Variants in MB21D2 observed in about 807,000 individuals in gnomAD.
MB21D2 encodes the protein nucleotidyltransferase MB21D2.
MB21D2 carries 9 observed loss-of-function variants against 33.3 expected under a neutral mutation model. That is an observed-to-expected ratio of 0.27 (90% CI 0.16 to 0.47). The LOEUF (loss-of-function observed/expected upper bound fraction) is 0.47, where lower values mean the gene tolerates loss of function less well. Ranked by LOEUF, MB21D2 falls within the 20% of genes least tolerant of loss-of-function variation. The pLI, the probability that MB21D2 is intolerant of heterozygous loss-of-function variation, is 0.99. For synonymous variants in MB21D2, 241 were observed against 236.3 expected (o/e 1.02, Z -0.18); for missense variants, 540 against 624.6 (o/e 0.86, Z 1.44).
At chr3:192,825,701 G>C (rs1247708849) in intron 1 of MB21D2, among the ~76,000 whole-genome samples, 1 of 152,186 alleles carries the variant, frequency 6.6e-6, no homozygotes, top group Non-Finnish European at 1.5e-5. Flanking sequence ...TTAGTATGTA[G>C]ATGAGGCAAG....
chr3:192,820,439 G>A (rs1330687308), intron 1 of MB21D2, among the ~76,000 whole-genome samples: 2 of 152,094 alleles, frequency 1.3e-5, no homozygotes, highest in South Asian at 4.1e-4. Context: ...GTGTTGCAGG[G>A]AAAGGACTCG....
At chr3:192,816,572 T>C (rs1032262182) in intron 1 of MB21D2, among the ~76,000 whole-genome samples, 1 of 152,220 alleles carries the variant, frequency 6.6e-6, no homozygotes, top group East Asian at 1.9e-4. Context: ...TTTACTGGTA[T>C]GCTTTCAAAG....
chr3:192,831,761 AATT>A (rs574222335), intron 1 of MB21D2, among the ~76,000 whole-genome samples: 1 of 152,216 alleles, frequency 6.6e-6, no homozygotes, highest in Non-Finnish European at 1.5e-5. Flanking sequence ...AATGAAATAC[AATT>A]ATTATACTTG....
At chr3:192,854,482 T>C (rs569782803) in intron 1 of MB21D2, among the ~76,000 whole-genome samples, 24 of 152,274 alleles carry the variant, frequency 1.6e-4, no homozygotes, top group African/African-American at 4.8e-4. Flanking sequence ...CTCTATAACA[T>C]AGAAGTGCAA....
chr3:192,827,763 G>C (rs918863831), intron 1 of MB21D2, among the ~76,000 whole-genome samples: 8 of 152,108 alleles, frequency 5.3e-5, no homozygotes, highest in Admixed American at 6.5e-5. Context: ...TAAACTGAAA[G>C]TTTTGCTTCC....
chr3:192,899,582 T>G (rs1215289066), intron 1 of MB21D2, among the ~76,000 whole-genome samples: 1 of 152,078 alleles, frequency 6.6e-6, no homozygotes, highest in Non-Finnish European at 1.5e-5. Flanking sequence ...CAGGCGTACT[T>G]AAAGGATGAC....
intron 1 of MB21D2, among the ~76,000 whole-genome samples, chr3:192,830,832 TG>T (rs1304046527): frequency 1.3e-5 from 2 of 152,180 alleles, no homozygotes; most frequent in African/African-American, 2.4e-5. Context: ...GAAGATCCAG[TG>T]GATCTGTAGG....
At chr3:192,834,220 T>C (rs1712381930) in intron 1 of MB21D2, among the ~76,000 whole-genome samples, 1 of 150,792 alleles carries the variant, frequency 6.6e-6, no homozygotes, top group Non-Finnish European at 1.5e-5. Context: ...AGGAGGCTGA[T>C]GTAGGAGAAT....
At chr3:192,808,171 C>A (rs886851776) in intron 1 of MB21D2, among the ~76,000 whole-genome samples, 1 of 152,094 alleles carries the variant, frequency 6.6e-6, no homozygotes, top group Non-Finnish European at 1.5e-5. Context: ...GTCACATGGT[C>A]CCACCCTCAC....
At chr3:192,895,106 T>A (rs913396521) in intron 1 of MB21D2, among the ~76,000 whole-genome samples, 1 of 152,142 alleles carries the variant, frequency 6.6e-6, no homozygotes, top group African/African-American at 2.4e-5. Flanking sequence ...GGGGGCCTGC[T>A]AGGGAATCAC....
chr3:192,876,415 T>G (rs1713428903), intron 1 of MB21D2, among the ~76,000 whole-genome samples: 1 of 152,244 alleles, frequency 6.6e-6, no homozygotes, highest in Non-Finnish European at 1.5e-5. Context: ...TAATTGCTGC[T>G]CTTACTCCAG....
In MB21D2 at chr3:192,876,132, T is replaced by C. The variant is rs558008394; in HGVS notation, c.211+41498A>G. 4.5e-4 allele frequency among the ~76,000 whole-genome samples: 69 copies of C among 152,314 alleles called. 1 individual carries two copies. The South Asian group carries it at 1.0e-2, about 22-fold the overall frequency. Reference sequence around the variant, plus strand: ...CTAGTGTTAAGACATCCAATGGCAATGGTAGAAAGTCAGTAAAATTCCTCG... The same window carrying C: ...CTAGTGTTAAGACATCCAATGGCAACGGTAGAAAGTCAGTAAAATTCCTCG... On this transcript the variant is annotated intron_variant, in intron 1 of 1. Coordinates refer to ENST00000392452, the MANE Select transcript of MB21D2 (RefSeq NM_178496.4).
In MB21D2 at chr3:192,799,573, C is replaced by T. The variant is rs890905073; in HGVS notation, c.289G>A (p.Val97Met). Residue 97 changes from valine to methionine, a missense_variant, in exon 2 of 2, where the codon GTG becomes ATG. By Grantham distance (21) the Val-to-Met change is conservative. Coordinates refer to ENST00000392452, the MANE Select transcript of MB21D2 (RefSeq NM_178496.4). This position sits in a 1 kb window ranked among gnomAD's most constrained non-coding sequence, Gnocchi z 4.1. ...AGCTCATCTAAGTCCAGGTCCACCA[C>T]GCCTTCCCGGACACCTCCAGAGAGC... ...LLLSGGVREG[V>M]VDLDLDELNV... The T allele has an allele frequency of 1.4e-5, 22 of 1,614,188 alleles. No homozygotes were observed. The highest frequency in any genetic ancestry group is 1.8e-5 in the Non-Finnish European group (21 of 1,180,028).
At chr3:192,830,210 T>A (rs1490076092) in intron 1 of MB21D2, among the ~76,000 whole-genome samples, 1 of 150,262 alleles carries the variant, frequency 6.7e-6, no homozygotes, top group African/African-American at 2.5e-5. Context: ...TGACTGTTAG[T>A]ATGTTAATGC....
chr3:192,851,269 G>C (rs1386932010), intron 1 of MB21D2, among the ~76,000 whole-genome samples: 1 of 152,044 alleles, frequency 6.6e-6, no homozygotes, highest in Non-Finnish European at 1.5e-5. Flanking sequence ...CACCTATTAT[G>C]CAATTCCATT....
At chr3:192,863,171 G>C (rs1713087346) in intron 1 of MB21D2, among the ~76,000 whole-genome samples, 1 of 152,138 alleles carries the variant, frequency 6.6e-6, no homozygotes, top group South Asian at 2.1e-4. Context: ...GAACACCAAG[G>C]GTTGCCAAGC....
chr3:192,839,550 C>T (rs1276090717), intron 1 of MB21D2, among the ~76,000 whole-genome samples: 1 of 152,164 alleles, frequency 6.6e-6, no homozygotes, highest in Non-Finnish European at 1.5e-5. Context: ...AGAAATAGCA[C>T]ATAAATATAG....
chr3:192,819,861 G>A (rs2108615760), intron 1 of MB21D2, among the ~76,000 whole-genome samples: 1 of 152,324 alleles, frequency 6.6e-6, no homozygotes, highest in East Asian at 1.9e-4. Context: ...CTGTGAAAGT[G>A]CAGGCAGCTT....
At position 192,901,413 on chromosome 3, in the gene MB21D2, C is replaced by CAAAAAAAA. The variant is rs71635401; in HGVS notation, c.211+16209_211+16216dup. Among the ~76,000 whole-genome samples, 5 of 100,884 alleles carry CAAAAAAAA rather than the reference C, an allele frequency of 5.0e-5. 1 individual carries two copies. The highest frequency in any genetic ancestry group is 1.5e-4 in the African/African-American group (4 of 26,382). The allele number at this position is 100,884 out of a possible 152,430, so 66.2% of individuals were successfully genotyped here. A position where few individuals can be genotyped will look rare whatever the true frequency, so the allele number is the denominator to read the frequency against. On this transcript the variant is annotated intron_variant, in intron 1 of 1. Coordinates refer to ENST00000392452, the MANE Select transcript of MB21D2 (RefSeq NM_178496.4). ...TGAAACCCCGTCTCTACTAAAAATT[C>CAAAAAAAA]AAAAAAAAAAAAAAAAAAAAAGACT...
Sources: allele counts gnomAD v4.1 joint callset (sites outside exome capture counted in the v4.1 genomes callset), GRCh38; gene constraint gnomAD v4.1.1; non-coding constraint Gnocchi (gnomAD v3.1); transcripts MANE v1.5; gene names NCBI Gene and HGNC (gene_info 2026-07-23, HGNC 2026-07-21).